The following CWC27 variants were observed in gnomAD, a reference collection of about 807,000 sequenced individuals.
The protein encoded by CWC27 is spliceosome-associated protein CWC27 homolog.
Under a neutral mutation model 63.6 loss-of-function variants are expected in CWC27, and 47 were observed. That is an observed-to-expected ratio of 0.74 (90% CI 0.58 to 0.94). CWC27 has a LOEUF of 0.94. Ranked by LOEUF, CWC27 falls within the 40% of genes least tolerant of loss-of-function variation. CWC27 has a pLI of 0.00. For synonymous variants in CWC27, 175 were observed against 179.8 expected (o/e 0.97, Z 0.22); for missense variants, 495 against 554.3 (o/e 0.89, Z 1.07).
chr5:64,996,972 G>A (rs1749644975), intron 13 of CWC27, among the ~76,000 whole-genome samples: 1 of 152,000 alleles, frequency 6.6e-6, no homozygotes. Flanking sequence ...TAGTAATAAG[G>A]CCAAACAAAT....
intron 11 of CWC27, among the ~76,000 whole-genome samples, chr5:64,933,917 T>C (rs1748291631): frequency 6.6e-6 from 1 of 152,240 alleles, no homozygotes; most frequent in Non-Finnish European, 1.5e-5. Context: ...ATTGACACTG[T>C]TAAGTAATTT....
intron 13 of CWC27, among the ~76,000 whole-genome samples, chr5:64,986,188 T>G (rs1749423233): frequency 6.6e-6 from 1 of 152,170 alleles, no homozygotes; most frequent in African/African-American, 2.4e-5. Context: ...AAAACATAAG[T>G]TTTCAACTCA....
chr5:64,986,603 A>G (rs958042368), intron 13 of CWC27, among the ~76,000 whole-genome samples: 1 of 152,220 alleles, frequency 6.6e-6, no homozygotes, highest in Non-Finnish European at 1.5e-5. Context: ...GATTGCAAAG[A>G]ACTGGTATAA....
At chr5:64,884,068 C>T (rs1747008903) in intron 10 of CWC27, 1 of 151,976 alleles carries the variant, frequency 6.6e-6, no homozygotes, top group South Asian at 2.1e-4. Context: ...CAAGTTCTTC[C>T]AGGTGATTAT....
At chr5:64,862,241 G>T (rs1214781679) in intron 10 of CWC27, among the ~76,000 whole-genome samples, 1 of 152,156 alleles carries the variant, frequency 6.6e-6, no homozygotes, top group Admixed American at 6.5e-5. Context: ...ATCTGCCTCT[G>T]CAGTTGCTGA....
chr5:64,925,897 C>T (rs1748101445), intron 11 of CWC27, among the ~76,000 whole-genome samples: 1 of 152,076 alleles, frequency 6.6e-6, no homozygotes, highest in Non-Finnish European at 1.5e-5. Context: ...GCCTGAGCAC[C>T]TTCTACTATT....
intron 11 of CWC27, among the ~76,000 whole-genome samples, chr5:64,918,043 A>T (rs1182431886): frequency 9.2e-5 from 14 of 152,130 alleles, no homozygotes; most frequent in African/African-American, 2.2e-4. Context: ...TGAAAAAAAA[A>T]TTTTTCAGGT....
At chr5:64,837,483 T>G (rs1446853579) in intron 10 of CWC27, among the ~76,000 whole-genome samples, 1 of 151,966 alleles carries the variant, frequency 6.6e-6, no homozygotes, top group Non-Finnish European at 1.5e-5. Flanking sequence ...CCAAAACTCA[T>G]GAGAAGATTC....
intron 2 of CWC27, among the ~76,000 whole-genome samples, chr5:64,776,731 C>T (rs964533677): frequency 5.9e-5 from 9 of 152,066 alleles, no homozygotes; most frequent in African/African-American, 4.8e-5. Context: ...ATGATTTAGA[C>T]GAGTCATAAT....
intron 13 of CWC27, among the ~76,000 whole-genome samples, chr5:65,006,705 C>CT (rs1258291998): frequency 6.6e-6 from 1 of 151,830 alleles, no homozygotes; most frequent in Non-Finnish European, 1.5e-5. Context: ...ACAAAATGTT[C>CT]TAATAAAAAG....
chr5:64,814,067 A>AT (rs940502341), intron 10 of CWC27, among the ~76,000 whole-genome samples: 3 of 145,362 alleles, frequency 2.1e-5, no homozygotes, highest in African/African-American at 5.2e-5. Flanking sequence ...ACATTATGAG[A>AT]TTTTTTTTGC....
chr5:64,866,683 T>C (rs546254644), intron 10 of CWC27, among the ~76,000 whole-genome samples: 1 of 152,176 alleles, frequency 6.6e-6, no homozygotes, highest in East Asian at 1.9e-4. Context: ...GAATATGTTG[T>C]TAATTTCCAC....
At chr5:64,900,699 G>A (rs1438607910) in intron 11 of CWC27, among the ~76,000 whole-genome samples, 1 of 151,876 alleles carries the variant, frequency 6.6e-6, no homozygotes, top group African/African-American at 2.4e-5. Context: ...TTTACATTAA[G>A]ATTTGATTCA....
rs1391945151 is a variant in CWC27 at position 64,786,557 on chromosome 5, A to T, written c.529A>T (p.Arg177Trp). The T allele has an allele frequency of 6.3e-7, 1 of 1,589,678 alleles. No individual in the cohort carries two copies. Among genetic ancestry groups the T allele is most frequent in the Non-Finnish European group, 8.5e-7 (1 of 1,170,332 alleles). The change falls in exon 6 of 14, where the codon AGG becomes TGG. Residue 177 changes from arginine to tryptophan, a missense_variant. Physicochemically the swap from Arg to Trp is moderately radical, Grantham distance 101. Coordinates refer to ENST00000381070, the MANE Select transcript of CWC27 (RefSeq NM_005869.4). ...LFNPFDDIIP[R>W]EIKRLKKEKP... ...TAATCCTTTTGATGACATCATTCCA[A>T]GGGAAATTAAAAGGCTGAAAAAAGA...
chr5:64,917,773 G>A (rs1254742961), intron 11 of CWC27, among the ~76,000 whole-genome samples: 1 of 152,090 alleles, frequency 6.6e-6, no homozygotes, highest in African/African-American at 2.4e-5. Context: ...GAAGCCTGCT[G>A]GCTTTCAGAC....
chr5:64,919,181 G>A (rs1580726522), intron 11 of CWC27, among the ~76,000 whole-genome samples: 1 of 152,222 alleles, frequency 6.6e-6, no homozygotes, highest in East Asian at 1.9e-4. Context: ...CGTATATGCT[G>A]CCTATATAAA....
intron 11 of CWC27, among the ~76,000 whole-genome samples, chr5:64,905,482 A>G (rs367759357): frequency 6.6e-6 from 1 of 152,150 alleles, no homozygotes; most frequent in African/African-American, 2.4e-5. Context: ...CTGAACTTCT[A>G]TTTCTGTTTA....
At chr5:64,961,732 G>T (rs1421980973) in intron 11 of CWC27, among the ~76,000 whole-genome samples, 1 of 152,054 alleles carries the variant, frequency 6.6e-6, no homozygotes, top group Non-Finnish European at 1.5e-5. Flanking sequence ...GTGGACCTTT[G>T]TATCATACAT....
At chr5:64,959,759 A>T (rs1748868824) in intron 11 of CWC27, among the ~76,000 whole-genome samples, 1 of 152,214 alleles carries the variant, frequency 6.6e-6, no homozygotes, top group African/African-American at 2.4e-5. Context: ...CAGTAAGGTG[A>T]CTGTAGACAC....
Sources: allele counts gnomAD v4.1 joint callset (sites outside exome capture counted in the v4.1 genomes callset), GRCh38; gene constraint gnomAD v4.1.1; transcripts MANE v1.5; gene names NCBI Gene and HGNC (gene_info 2026-07-23, HGNC 2026-07-21).